MMP12: variants seen among roughly 807,000 people sequenced by gnomAD.
MMP12 encodes macrophage metalloelastase.
MMP12 carries 51 observed loss-of-function variants against 45.2 expected under a neutral mutation model. That is an observed-to-expected ratio of 1.13 (90% confidence interval 0.90 to 1.42). The LOEUF (loss-of-function observed/expected upper bound fraction) is 1.42. Ranked by LOEUF, MMP12 falls within the 40% of genes most tolerant of loss-of-function variation. MMP12 has a pLI of 0.00. For synonymous variants in MMP12, 210 were observed against 193.3 expected (o/e 1.09, Z -0.72); for missense variants, 530 against 570.8 (o/e 0.93, Z 0.73).
chr11:102,870,580 A>G (rs1555009204), intron 4 of MMP12, among the ~76,000 whole-genome samples: 2 of 152,214 alleles, frequency 1.3e-5, no homozygotes, highest in East Asian at 1.9e-4. Flanking sequence ...AAAATTTCCA[A>G]TAGAAAAATT....
Position 102,865,333 on chromosome 11 carries a change from T to C in MMP12, c.1205+443A>G, listed in dbSNP as rs1373856972. Among the ~76,000 whole-genome samples the C allele has an allele frequency of 2.0e-5, 3 of 152,194 alleles. No homozygotes were observed. The highest frequency in any genetic ancestry group is 4.4e-5 in the Non-Finnish European group (3 of 68,034). ...CTATCCTCACTTGACCATATGACTT[T>C]CTTTTAAGGAAGATCTTGCAGGACC... On this transcript the variant is annotated intron_variant, in intron 8 of 9. Coordinates refer to ENST00000571244, the MANE Select transcript of MMP12 (RefSeq NM_002426.6). The surrounding 1 kb of genome is among the most constrained non-coding windows in gnomAD (Gnocchi z 4.1).
In MMP12 at chr11:102,864,213, G is replaced by T. The variant is rs202006620; in HGVS notation, c.1245C>A (p.Pro415=). 3 of 1,613,802 alleles carry T rather than the reference G, an allele frequency of 1.9e-6. No homozygotes were observed. The highest frequency in any genetic ancestry group is 2.5e-6 in the Non-Finnish European group (3 of 1,179,782). ...ERRQMMDPGY[P]KLITKNFQGI... ...CTTGGAAGTTCTTGGTAATCAGTTTGGGATAACCAGGGTCCATCATCTGTC... is the reference window on the plus strand; with the variant it reads ...CTTGGAAGTTCTTGGTAATCAGTTTTGGATAACCAGGGTCCATCATCTGTC... Residue 415 remains proline, a synonymous_variant, in exon 9 of 10, where the codon CCC becomes CCA. Transcript: ENST00000571244.
At position 102,865,910 on chromosome 11, in the gene MMP12, A is replaced by G; in HGVS notation, c.1071T>C (p.Asn357=). 6.2e-7 allele frequency: 1 copy of G among 1,612,590 alleles called. No individual in the cohort carries two copies. The highest frequency in any genetic ancestry group is 8.5e-7 in the Non-Finnish European group (1 of 1,179,042). ...FKDDKYWLIS[N]LRPEPNYPKS... is the part of the protein sequence containing the mutation. ...TGGGATAATTTGGCTCTGGTCTTAA[A>G]TTGCTAATTAACCAGTATTTGTCAT... The change falls in exon 8 of 10, where the codon AAT becomes AAC. Residue 357 remains asparagine, a synonymous_variant. Coordinates refer to ENST00000571244, the MANE Select transcript of MMP12 (RefSeq NM_002426.6). The surrounding 1 kb of genome is among the most constrained non-coding windows in gnomAD (Gnocchi z 4.1).
intron 8 of MMP12, among the ~76,000 whole-genome samples, chr11:102,864,957 G>T (rs1246241603): frequency 1.3e-5 from 2 of 152,212 alleles, no homozygotes; most frequent in Non-Finnish European, 1.5e-5. Context: ...GTTCAGAGTT[G>T]AAATGCCAAT....
chr11:102,863,587 G>T (rs1397961600), intron 9 of MMP12, among the ~76,000 whole-genome samples: 3 of 152,092 alleles, frequency 2.0e-5, no homozygotes, highest in African/African-American at 7.2e-5. Context: ...GGCACACAGG[G>T]GCTTTGATGG....
At chr11:102,871,563 TTTTG>T (rs782304013) in intron 4 of MMP12, 27 bp downstream of exon 4, 331 of 1,537,400 alleles carry the variant, frequency 2.2e-4, no homozygotes, top group Middle Eastern at 8.4e-4. Flanking sequence ...TTGCTTAGTT[TTTTG>T]TTTGTTTGTT....
chr11:102,865,657 C>G lies in MMP12; in HGVS notation c.1205+119G>C. On this transcript the variant is annotated intron_variant, in intron 8 of 9. Coordinates refer to ENST00000571244, the MANE Select transcript of MMP12 (RefSeq NM_002426.6). The surrounding 1 kb of genome is among the most constrained non-coding windows in gnomAD (Gnocchi z 4.1). Reference sequence around the variant, plus strand: ...TTTCAGTCCTATATTCTCTTAATCTCTCTCCCTGGAAGGTCAAGGAGCTTT... The same window carrying G: ...TTTCAGTCCTATATTCTCTTAATCTGTCTCCCTGGAAGGTCAAGGAGCTTT... 1.4e-6 allele frequency: 1 copy of G among 728,616 alleles called. No individual in the cohort carries two copies. Among genetic ancestry groups the G allele is most frequent in the Non-Finnish European group, 2.1e-6 (1 of 476,284 alleles). 45.1% of individuals were successfully genotyped at this position (728,616 alleles called of 1,614,324 possible).
chr11:102,871,518 A>C (rs1267553046), intron 4 of MMP12, 76 bp downstream of exon 4: 1 of 1,510,070 alleles, frequency 6.6e-7, no homozygotes, highest in Non-Finnish European at 8.9e-7. Context: ...CAGAATTTTG[A>C]ATTTGTTAGG....
rs1555009909 is a variant in MMP12, at chr11:102,874,970, T to C, written c.-33A>G. Reference sequence around the variant, plus strand: ...TTCTAAACGGATCAATTCAGTTTACTGTGTTCCTTTCTAGCCTAAGTTCCT... The same window carrying C: ...TTCTAAACGGATCAATTCAGTTTACCGTGTTCCTTTCTAGCCTAAGTTCCT... On this transcript the variant is annotated 5_prime_UTR_variant, in exon 1 of 10. Transcript: ENST00000571244. 1 of 1,406,538 alleles carries C rather than the reference T, an allele frequency of 7.1e-7. No individual in the cohort carries two copies. Among genetic ancestry groups the C allele is most frequent in the African/African-American group, 1.4e-5 (1 of 70,502 alleles). The allele number at this position is 1,406,538 out of a possible 1,614,324, so 87.1% of individuals were successfully genotyped here. A position where few individuals can be genotyped will look rare whatever the true frequency, so the allele number is the denominator to read the frequency against.
chr11:102,866,217 G>T, intron 7 of MMP12, 98 bp downstream of exon 7: 9 of 1,212,704 alleles, frequency 7.4e-6, no homozygotes, highest in Non-Finnish European at 1.0e-5. Context: ...AATCAAGAGT[G>T]CTTTCTTGGT....
chr11:102,863,282 A>T, intron 9 of MMP12, 82 bp from the exon 10 acceptor site: 1 of 836,194 alleles, frequency 1.2e-6, no homozygotes, highest in Non-Finnish European at 1.9e-6. Flanking sequence ...ATCTCTTCTC[A>T]TAGATTATCT....
rs782368502 is a variant in MMP12 at position 102,867,404 on chromosome 11, A to G, written c.788-11T>C. On this transcript the variant is annotated splice_polypyrimidine_tract_variant and intron_variant, in intron 5 of 9. Transcript: ENST00000571244. ...TCTCTTTTGGGTCTCCTGAAAATAC[A>G]TTTCGAGAAGCATTAGTAAACAAAA... is the stretch of plus-strand genomic sequence containing the variant. 8 of 1,598,444 alleles carry G rather than the reference A, an allele frequency of 5.0e-6. No individual in the cohort carries two copies. In the South Asian group the frequency reaches 8.1e-5, roughly 16 times the overall value.
chr11:102,871,275 A>G (rs576519560), intron 4 of MMP12, among the ~76,000 whole-genome samples: 1 of 152,166 alleles, frequency 6.6e-6, no homozygotes, highest in South Asian at 2.1e-4. Context: ...ACCTTTTCAT[A>G]TTATGCTTCT....
chr11:102,874,428 G>A (rs1340162187), intron 1 of MMP12, among the ~76,000 whole-genome samples: 2 of 152,066 alleles, frequency 1.3e-5, no homozygotes, highest in African/African-American at 4.8e-5. Context: ...AGATGACTGA[G>A]GGTAAAGGGA....
At position 102,865,872 on chromosome 11, in the gene MMP12, G is replaced by T; in HGVS notation, c.1109C>A (p.Ser370Tyr). 1 of 1,612,962 alleles carries T rather than the reference G, an allele frequency of 6.2e-7. No individual in the cohort carries two copies. Among genetic ancestry groups the T allele is most frequent in the Non-Finnish European group, 8.5e-7 (1 of 1,179,242 alleles). Residue 370 changes from serine (S) to tyrosine (Y), a missense_variant, in exon 8 of 10, where the codon TCT becomes TAT. Transcript: ENST00000571244. This position sits in a 1 kb window ranked among gnomAD's most constrained non-coding sequence, Gnocchi z 4.1. ...TTTCACAAAGTTAGGAAAACCAAAA[G>T]AATGTATGCTCTTGGGATAATTTGG... is the stretch of plus-strand genomic sequence containing the variant. ...PEPNYPKSIH[S>Y]FGFPNFVKKI...
intron 1 of MMP12, among the ~76,000 whole-genome samples, chr11:102,873,634 A>G (rs1344214274): frequency 1.3e-5 from 2 of 152,070 alleles, no homozygotes. Flanking sequence ...CAAAAAAACA[A>G]AGACATGTCA....
chr11:102,868,937 C>A (rs143006341), intron 4 of MMP12, among the ~76,000 whole-genome samples: 52 of 152,236 alleles, frequency 3.4e-4, no homozygotes, highest in African/African-American at 1.2e-3. Context: ...TCAGACTTCA[C>A]CATTTTTATC....
At chr11:102,866,191 G>A (rs549744524) in intron 7 of MMP12, 124 bp downstream of exon 7, 31 of 1,034,756 alleles carry the variant, frequency 3.0e-5, no homozygotes, top group South Asian at 9.0e-5. Context: ...ACTTCAGAGC[G>A]AGCCACTATT....
intron 1 of MMP12, 74 bp from the exon 2 acceptor site, chr11:102,873,186 C>G: frequency 7.7e-7 from 1 of 1,295,008 alleles, no homozygotes; most frequent in Non-Finnish European, 1.1e-6. Context: ...ACATATATGA[C>G]TCAATTGCAC....
Sources: allele counts gnomAD v4.1 joint callset (sites outside exome capture counted in the v4.1 genomes callset), GRCh38; gene constraint gnomAD v4.1.1; non-coding constraint Gnocchi (gnomAD v3.1); transcripts MANE v1.5; gene names NCBI Gene and HGNC (gene_info 2026-07-23, HGNC 2026-07-21).